The following AFDN variants were observed in gnomAD, a reference collection of about 807,000 sequenced individuals.
AFDN encodes afadin, adherens junction formation factor, also known as afadin.
Under a neutral mutation model 216.6 loss-of-function variants are expected in AFDN, and 68 were observed. That is an observed-to-expected ratio of 0.31 (90% CI 0.26 to 0.38). The LOEUF is 0.38. Among genes scored for constraint, AFDN ranks in the 10% least tolerant of loss-of-function variants. AFDN has a pLI of 1.00. For missense variants in AFDN, 2,136 were observed against 2,342.0 expected (o/e 0.91, Z 1.82); for synonymous variants, 868 against 853.7 (o/e 1.02, Z -0.29).
In AFDN at chr6:167,929,733, T is replaced by C. The variant is rs938010543; in HGVS notation, c.3099+4642T>C. ...GCTGGAAAGGCCCTGCTCTTCCCTT[T>C]GCTGGGGACATAGACCTGTGTGTCC... On this transcript the variant is annotated intron_variant, in intron 23 of 33. Coordinates refer to ENST00000683244, the MANE Select transcript of AFDN (RefSeq NM_001386888.1). Among the ~76,000 whole-genome samples, 8 of 152,360 alleles carry C rather than the reference T, an allele frequency of 5.3e-5. No homozygotes were observed. The South Asian group carries it at 6.2e-4, about 12-fold the overall frequency.
Position 167,970,129 on chromosome 6 carries a change from A to G in AFDN, c.*194A>G. 1 of 531,990 alleles carries G rather than the reference A, an allele frequency of 1.9e-6. No homozygotes were observed. The highest frequency in any genetic ancestry group is 2.0e-5 in the African/African-American group (1 of 49,864). The allele number at this position is 531,990 out of a possible 1,614,324, so 33.0% of individuals were successfully genotyped here. A position where few individuals can be genotyped will look rare whatever the true frequency, so the allele number is the denominator to read the frequency against. ...TATTTTACTTTACCATGAGATTGCC[A>G]TTTATGTAATTTAAACACTGTCTAG... On this transcript the variant is annotated 3_prime_UTR_variant, in exon 34 of 34. Coordinates refer to ENST00000683244, the MANE Select transcript of AFDN (RefSeq NM_001386888.1).
At chr6:167,867,935 A>G (rs1375484650) in intron 2 of AFDN, among the ~76,000 whole-genome samples, 1 of 152,186 alleles carries the variant, frequency 6.6e-6, no homozygotes, top group African/African-American at 2.4e-5. Flanking sequence ...AATTTTTGGC[A>G]TAGCATTGAA....
At chr6:167,848,580 A>T (rs1013615737) in intron 1 of AFDN, among the ~76,000 whole-genome samples, 2 of 152,192 alleles carry the variant, frequency 1.3e-5, no homozygotes, top group Non-Finnish European at 2.9e-5. Context: ...GTACTGATGT[A>T]AAATTTTTAG....
chr6:167,925,333 G>C (rs1412606152), intron 23 of AFDN, among the ~76,000 whole-genome samples: 1 of 152,166 alleles, frequency 6.6e-6, no homozygotes, highest in Admixed American at 6.5e-5. Context: ...TTGAGATTGA[G>C]CAGATGGTGC....
intron 23 of AFDN, among the ~76,000 whole-genome samples, chr6:167,929,104 A>G (rs1194087409): frequency 6.6e-6 from 1 of 152,160 alleles, no homozygotes; most frequent in Admixed American, 6.5e-5. Flanking sequence ...GGTTCTTTGT[A>G]CTTTTACTAG....
intron 8 of AFDN, among the ~76,000 whole-genome samples, chr6:167,892,959 T>C (rs1220827113): frequency 6.6e-6 from 1 of 152,142 alleles, no homozygotes; most frequent in East Asian, 1.9e-4. Context: ...CCCTTCTACT[T>C]TAGGCAAAAC....
At chr6:167,880,162 A>G (rs1446240087) in intron 5 of AFDN, among the ~76,000 whole-genome samples, 198 bp from the exon 6 acceptor site, 3 of 152,196 alleles carry the variant, frequency 2.0e-5, no homozygotes, top group Admixed American at 1.3e-4. Context: ...CATGGTTTCT[A>G]AGTGTCACTA....
At chr6:167,841,564 G>A (rs141716743) in intron 1 of AFDN, among the ~76,000 whole-genome samples, 5 of 152,090 alleles carry the variant, frequency 3.3e-5, no homozygotes, top group Middle Eastern at 6.8e-3. Context: ...ACTAAACTTC[G>A]TCCTCCATGA....
chr6:167,827,270 C>G (rs997497210), intron 1 of AFDN, 33 bp downstream of exon 1: 2 of 946,584 alleles, frequency 2.1e-6, no homozygotes, highest in Non-Finnish European at 2.6e-6. Context: ...CCTGCGCGAC[C>G]CCCGCCCGCT....
At chr6:167,905,364 TTGAA>T (rs1789530214) in intron 12 of AFDN, among the ~76,000 whole-genome samples, 1 of 152,182 alleles carries the variant, frequency 6.6e-6, no homozygotes, top group Admixed American at 6.5e-5. Context: ...TCATGAATAA[TTGAA>T]TGAGCCGAAG....
intron 23 of AFDN, among the ~76,000 whole-genome samples, chr6:167,938,010 G>T (rs187163700): frequency 2.0e-5 from 3 of 152,312 alleles, no homozygotes; most frequent in Admixed American, 2.0e-4. Flanking sequence ...GCTTCTAATG[G>T]AGTTGGAGGA....
intron 1 of AFDN, among the ~76,000 whole-genome samples, chr6:167,839,605 T>C (rs9364365): frequency 0.3 from 45,950 of 151,956 alleles, 7,981 homozygotes; most frequent in East Asian, 0.6. Flanking sequence ...TAACTGGCAC[T>C]GAGATCTGGG....
intron 30 of AFDN, 183 bp downstream of exon 30, chr6:167,952,370 G>A: frequency 6.8e-7 from 1 of 1,471,398 alleles, no homozygotes; most frequent in Non-Finnish European, 9.0e-7. Flanking sequence ...AGGCCTATAA[G>A]GCTAAATTTT....
Position 167,911,527 on chromosome 6 carries a change from T to G in AFDN, c.2037+38T>G, listed in dbSNP as rs749427843. 1.1e-5 allele frequency: 17 copies of G among 1,591,224 alleles called. 1 individual carries two copies. In the South Asian group the frequency reaches 1.7e-4, roughly 16 times the overall value. On this transcript the variant is annotated intron_variant, in intron 15 of 33. Coordinates refer to ENST00000683244, the MANE Select transcript of AFDN (RefSeq NM_001386888.1). ...CGGCCAGCCATGCTCCTCCAGTGAT[T>G]GTGGTTGTAATTGCTAAGCCAGTGA...
intron 1 of AFDN, among the ~76,000 whole-genome samples, chr6:167,847,243 C>T (rs1415793770): frequency 6.6e-6 from 1 of 152,070 alleles, no homozygotes; most frequent in East Asian, 1.9e-4. Flanking sequence ...AGGGTCTGAT[C>T]CCAATACACA....
rs565685956 is a variant in AFDN, at chr6:167,849,120, T to G, written c.106-15431T>G. 2.0e-5 allele frequency among the ~76,000 whole-genome samples: 3 copies of G among 151,180 alleles called. No individual in the cohort carries two copies. The Admixed American group carries it at 2.0e-4, about 10-fold the overall frequency. The stretch of plus-strand genomic sequence containing the variant: ...TTCATCTGTAAGACAGGAACAGTAA[T>G]AATACCTACCTTATGGGGTTGTTGT... On this transcript the variant is annotated intron_variant, in intron 1 of 33. Coordinates refer to ENST00000683244, the MANE Select transcript of AFDN (RefSeq NM_001386888.1).
In AFDN at chr6:167,969,770, C is replaced by T. The variant is rs1583097391; in HGVS notation, c.5343-12C>T. The T allele has an allele frequency of 2.5e-6, 4 of 1,598,546 alleles. No homozygotes were observed. The East Asian group carries it at 9.0e-5, about 36-fold the overall frequency. ...TTTGTCCAGTAATCTTTGATATTGC[C>T]CTCTTCTGCAGCCAAGATGCAGATT... On this transcript the variant is annotated splice_polypyrimidine_tract_variant and intron_variant, in intron 33 of 33. Coordinates refer to ENST00000683244, the MANE Select transcript of AFDN (RefSeq NM_001386888.1).
At chr6:167,896,393 G>C (rs1788251759) in intron 9 of AFDN, among the ~76,000 whole-genome samples, 1 of 152,162 alleles carries the variant, frequency 6.6e-6, no homozygotes, top group African/African-American at 2.4e-5. Context: ...TTTCATCCAG[G>C]TCTGGGGAGC....
In AFDN at chr6:167,918,946, A is replaced by G. The variant is rs769629894; in HGVS notation, c.2908+13A>G. ...CTGTGCCAGAGAGGTAAATTAGTCT[A>G]AATGCCTGAGTCTGAGCTACGCCCC... On this transcript the variant is annotated intron_variant, in intron 21 of 33. Coordinates refer to ENST00000683244, the MANE Select transcript of AFDN (RefSeq NM_001386888.1). 1.9e-6 allele frequency: 3 copies of G among 1,608,512 alleles called. No individual in the cohort carries two copies. Among genetic ancestry groups the G allele is most frequent in the Non-Finnish European group, 2.6e-6 (3 of 1,175,890 alleles).
Sources: gnomAD v4.1 joint callset for allele counts (sites outside exome capture counted in the v4.1 genomes callset) on GRCh38, gnomAD v4.1.1 for gene constraint, MANE v1.5 for transcripts, NCBI Gene and HGNC (gene_info 2026-07-23, HGNC 2026-07-21) for gene names.